The following NABP2 variants were observed in gnomAD, a reference collection of about 807,000 sequenced individuals.
NABP2 encodes the protein SOSS complex subunit B1.
A neutral mutation model predicts 22.7 loss-of-function variants in NABP2; 7 were observed. The observed-to-expected ratio is 0.31, with a 90% CI of 0.18 to 0.58. NABP2 has a LOEUF of 0.58. Ranked by LOEUF, NABP2 falls within the 20% of genes least tolerant of loss-of-function variation. The probability of loss-of-function intolerance (pLI) is 0.89; values close to 1 mark genes in which losing one functional copy is unlikely to be tolerated. For missense variants in NABP2, 188 were observed against 265.9 expected, an observed-to-expected ratio of 0.71 and a Z score of 2.04; for synonymous variants, 107 against 99.2, an observed-to-expected ratio of 1.08 and a Z score of -0.47.
chr12:56,228,896 A>T, intron 6 of NABP2, 118 bp from the exon 7 acceptor site: 1 of 922,036 alleles, frequency 1.1e-6, no homozygotes, highest in Non-Finnish European at 1.7e-6. Flanking sequence ...AGTTGGCATT[A>T]AGATGCAGTT....
At chr12:56,224,774 A>G (rs1241071485) in intron 1 of NABP2, 60 bp from the exon 2 acceptor site, 2 of 1,439,748 alleles carry the variant, frequency 1.4e-6, no homozygotes, top group African/African-American at 2.8e-5. Flanking sequence ...GGCCTTGGGA[A>G]GTGGAGCATG....
Position 56,224,396 on chromosome 12 carries a change from C to A in NABP2, c.-69C>A. 2.0e-6 allele frequency: 2 copies of A among 991,802 alleles called. No homozygotes were observed. Among genetic ancestry groups the A allele is most frequent in the African/African-American group, 1.7e-5 (1 of 57,512 alleles). 61.4% of individuals were successfully genotyped at this position (991,802 alleles called of 1,614,324 possible). ...GGCGGCAGCGGAGCCTGTGGCTCCC[C>A]CTGCGGGCTGCTCAGCGGCGTGCAC... On this transcript the variant is annotated 5_prime_UTR_variant, in exon 1 of 7. Coordinates refer to ENST00000267023, the MANE Select transcript of NABP2 (RefSeq NM_024068.4).
intron 6 of NABP2, 120 bp downstream of exon 6, chr12:56,226,539 C>A: frequency 1.3e-6 from 1 of 753,656 alleles, no homozygotes; most frequent in Non-Finnish European, 2.2e-6. Context: ...TCCTCCTTCA[C>A]CCAATTCTCC....
chr12:56,226,175 G>A lies in NABP2; in HGVS notation c.291-4G>A, dbSNP rs1869751965. 2 of 1,613,956 alleles carry A rather than the reference G, an allele frequency of 1.2e-6. No individual in the cohort carries two copies. The highest frequency in any genetic ancestry group is 3.3e-5 in the Admixed American group (2 of 59,998). On this transcript the variant is annotated splice_region_variant and splice_polypyrimidine_tract_variant and intron_variant, in intron 4 of 6. Transcript: ENST00000267023. ...AAGGCTTTAGCTACTTTCTTCCCTT[G>A]CAGATTCTGTATGGTTTATTCTGAG...
intron 6 of NABP2, among the ~76,000 whole-genome samples, chr12:56,227,871 A>T (rs1317754355): frequency 6.6e-6 from 1 of 152,196 alleles, no homozygotes; most frequent in Non-Finnish European, 1.5e-5. Flanking sequence ...ACTTGTTATT[A>T]GCTTTGGTGG....
chr12:56,223,417 C>T (rs1427616520), upstream of NABP2, among the ~76,000 whole-genome samples: 3 of 151,796 alleles, frequency 2.0e-5, no homozygotes, highest in East Asian at 3.9e-4. Context: ...CAGAAATTAG[C>T]CGAGGGTGGT....
rs765198016 is a variant in NABP2 at position 56,225,628 on chromosome 12, G to A, written c.223G>A (p.Ala75Thr). 7 of 1,614,090 alleles carry A rather than the reference G, an allele frequency of 4.3e-6. No individual in the cohort carries two copies. The highest frequency in any genetic ancestry group is 5.9e-6 in the Non-Finnish European group (7 of 1,180,030). The change falls in exon 4 of 7, where the codon GCT becomes ACT. Residue 75 changes from alanine (A) to threonine (T), a missense_variant. By Grantham distance (58) the Ala-to-Thr change is moderately conservative. Coordinates refer to ENST00000267023, the MANE Select transcript of NABP2 (RefSeq NM_024068.4). ...TGCTTTTTTTGCCTCCCATAGGTAC[G>A]CTTCAGTTTTCAAAGGTTGTCTGAC... ...GDIIRLTKGY[A>T]SVFKGCLTLY...
In NABP2 at chr12:56,224,840, G is replaced by C; in HGVS notation, c.-17G>C. On this transcript the variant is annotated 5_prime_UTR_variant, in exon 2 of 7. Coordinates refer to ENST00000267023, the MANE Select transcript of NABP2 (RefSeq NM_024068.4). The stretch of plus-strand genomic sequence containing the variant: ...TCCTCTATTCCCCATCCAGTGGGGT[G>C]CCGAGGCTCAGGCAGCATGACGACG... The C allele has an allele frequency of 6.2e-7, 1 of 1,613,088 alleles. No homozygotes were observed. The highest frequency in any genetic ancestry group is 8.5e-7 in the Non-Finnish European group (1 of 1,179,732).
At chr12:56,222,482 T>G (rs989373889), upstream of NABP2, among the ~76,000 whole-genome samples, 13 of 152,150 alleles carry the variant, frequency 8.5e-5, no homozygotes, top group African/African-American at 3.1e-4. Context: ...GTATCCACGA[T>G]GGCTCCCCGA....
In NABP2 at chr12:56,229,375, T is replaced by G. The variant is rs374622533; in HGVS notation, c.*162T>G. 1 of 699,664 alleles carries G rather than the reference T, an allele frequency of 1.4e-6. No homozygotes were observed. Among genetic ancestry groups the G allele is most frequent in the Non-Finnish European group, 2.4e-6 (1 of 418,648 alleles). The allele number at this position is 699,664 out of a possible 1,614,324, so 43.3% of individuals were successfully genotyped here. A position where few individuals can be genotyped will look rare whatever the true frequency, so the allele number is the denominator to read the frequency against. On this transcript the variant is annotated 3_prime_UTR_variant, in exon 7 of 7. Coordinates refer to ENST00000267023, the MANE Select transcript of NABP2 (RefSeq NM_024068.4). ...CCACCCTAATCTCATACTCCCTCATTGTCCAGCTGAACTACCTGTCCCCTG... is the reference window on the plus strand; with the variant it reads ...CCACCCTAATCTCATACTCCCTCATGGTCCAGCTGAACTACCTGTCCCCTG...
intron 6 of NABP2, 67 bp downstream of exon 6, chr12:56,226,486 C>T: frequency 7.4e-7 from 1 of 1,351,820 alleles, no homozygotes; most frequent in Non-Finnish European, 1.1e-6. Flanking sequence ...TAGAAAGATG[C>T]ATTTCCCTCA....
rs1271383984 is a variant in NABP2 at position 56,226,278 on chromosome 12, A to G, written c.372+18A>G. On this transcript the variant is annotated intron_variant, in intron 5 of 6. Coordinates refer to ENST00000267023, the MANE Select transcript of NABP2 (RefSeq NM_024068.4). ...ACAAGGCGGTGAGTCCTGTGGCCAC[A>G]ATGGTGGGAAAGGAGGGCAGATCAA... 6.2e-7 allele frequency: 1 copy of G among 1,614,162 alleles called. No individual in the cohort carries two copies. Among genetic ancestry groups the G allele is most frequent in the Non-Finnish European group, 8.5e-7 (1 of 1,180,002 alleles).
intron 6 of NABP2, among the ~76,000 whole-genome samples, chr12:56,227,732 T>G (rs1448866292): frequency 1.3e-5 from 2 of 152,064 alleles, no homozygotes; most frequent in Admixed American, 1.3e-4. Flanking sequence ...GAGCATTGCT[T>G]GAGCAAGGAG....
rs1247986952 is a variant in NABP2, at chr12:56,224,412, C to T, written c.-53C>T. 5.0e-6 allele frequency: 5 copies of T among 998,208 alleles called. No individual in the cohort carries two copies. The African/African-American group carries it at 5.2e-5, about 10-fold the overall frequency. 61.8% of individuals were successfully genotyped at this position (998,208 alleles called of 1,614,324 possible). ...GTGGCTCCCCCTGCGGGCTGCTCAG[C>T]GGCGTGCACAGTCCTGCCGGCTGGC... On this transcript the variant is annotated 5_prime_UTR_variant, in exon 1 of 7. Transcript: ENST00000267023.
intron 6 of NABP2, among the ~76,000 whole-genome samples, chr12:56,227,075 T>C (rs909522669): frequency 6.6e-5 from 10 of 151,004 alleles, no homozygotes; most frequent in Non-Finnish European, 1.5e-4. Context: ...AGTAGAGATA[T>C]GGTTTAAGAA....
chr12:56,224,663 T>G (rs1869675466), intron 1 of NABP2, 171 bp from the exon 2 acceptor site: 1 of 967,540 alleles, frequency 1.0e-6, no homozygotes, highest in African/African-American at 1.6e-5. Context: ...ACCCCCAAAT[T>G]CTGATCCTGA....
At position 56,225,414 on chromosome 12, in the gene NABP2, T is replaced by G; in HGVS notation, c.121T>G (p.Cys41Gly). The part of the protein sequence containing the change: ...KTKDGHEVRT[C>G]KVADKTGSIN... ...AAAGGACGGGCATGAGGTTCGGACC[T>G]GCAAAGTGGCGGACAAAACAGGCAG... is the stretch of plus-strand genomic sequence containing the variant. The change falls in exon 3 of 7, where the codon TGC (cysteine) becomes GGC (glycine). Residue 41 changes from cysteine (C) to glycine (G), a missense_variant. Coordinates refer to ENST00000267023, the MANE Select transcript of NABP2 (RefSeq NM_024068.4). The G allele has an allele frequency of 3.7e-6, 6 of 1,614,216 alleles. No individual in the cohort carries two copies. Among genetic ancestry groups the G allele is most frequent in the Non-Finnish European group, 4.2e-6 (5 of 1,180,048 alleles).
At chr12:56,225,746 T>G in intron 4 of NABP2, 51 bp downstream of exon 4, 122 of 1,576,976 alleles carry the variant, frequency 7.7e-5, no homozygotes, top group Non-Finnish European at 9.6e-5. Flanking sequence ...GCAAAGGGGT[T>G]TGCAAGGAGG....
chr12:56,223,233 T>TCCAAC (rs1296066480), upstream of NABP2, among the ~76,000 whole-genome samples: 7 of 152,010 alleles, frequency 4.6e-5, no homozygotes, highest in East Asian at 1.4e-3. Flanking sequence ...AGAGCAAGAC[T>TCCAAC]CCTTTGCCGG....
Sources: allele counts gnomAD v4.1 joint callset (sites outside exome capture counted in the v4.1 genomes callset), GRCh38; gene constraint gnomAD v4.1.1; transcripts MANE v1.5; gene names NCBI Gene and HGNC (gene_info 2026-07-23, HGNC 2026-07-21).